Variants in CACNA2D1 observed in about 807,000 individuals in gnomAD.
CACNA2D1 encodes voltage-dependent calcium channel subunit alpha-2/delta-1.
CACNA2D1 carries 53 observed loss-of-function variants against 171.5 expected under a neutral mutation model. The ratio of observed to expected loss-of-function variants is 0.31; its 90% confidence interval spans 0.25 to 0.39. The LOEUF (loss-of-function observed/expected upper bound fraction) is 0.39, where lower values mean the gene tolerates loss of function less well. CACNA2D1 is among the 10% of genes least tolerant of loss of function. The pLI is 1.00. For synonymous variants in CACNA2D1, 442 were observed against 443.1 expected, an observed-to-expected ratio of 1.00 and a Z score of 0.03; for missense variants, 903 against 1,299.8, an observed-to-expected ratio of 0.69 and a Z score of 4.69.
At chr7:82,394,778 A>C (rs147992033) in intron 1 of CACNA2D1, among the ~76,000 whole-genome samples, 1 of 152,182 alleles carries the variant, frequency 6.6e-6, no homozygotes, top group Non-Finnish European at 1.5e-5. Context: ...GTGAAGGAGA[A>C]CAGAAGAAAC....
At chr7:82,425,182 C>A (rs1018679120) in intron 1 of CACNA2D1, among the ~76,000 whole-genome samples, 1 of 152,150 alleles carries the variant, frequency 6.6e-6, no homozygotes, top group Non-Finnish European at 1.5e-5. Context: ...CAGCTGAATG[C>A]CCTTCAAAGG....
chr7:82,066,086 AGTTCACTGC>A (rs1238262882), intron 8 of CACNA2D1, among the ~76,000 whole-genome samples: 2 of 152,140 alleles, frequency 1.3e-5, no homozygotes, highest in African/African-American at 4.8e-5. Context: ...AATTCTCATT[AGTTCACTGC>A]CAGAGGCAAA....
intron 3 of CACNA2D1, among the ~76,000 whole-genome samples, chr7:82,293,615 A>G (rs1186691803): frequency 2.0e-5 from 3 of 152,208 alleles, no homozygotes; most frequent in Non-Finnish European, 4.4e-5. Context: ...ACCTCAAAGA[A>G]GAGGCTTTAT....
chr7:82,426,873 A>G (rs1315767047), intron 1 of CACNA2D1, among the ~76,000 whole-genome samples: 3 of 152,172 alleles, frequency 2.0e-5, no homozygotes, highest in Non-Finnish European at 2.9e-5. Flanking sequence ...GCAGTCGACC[A>G]AAGTCCAAAA....
chr7:82,232,631 C>G (rs1208144615), intron 3 of CACNA2D1, among the ~76,000 whole-genome samples: 3 of 151,638 alleles, frequency 2.0e-5, no homozygotes, highest in Non-Finnish European at 4.4e-5. Context: ...TTTGGGAGGC[C>G]GAGGTGGGCA....
intron 1 of CACNA2D1, among the ~76,000 whole-genome samples, chr7:82,422,332 T>A (rs1828788273): frequency 6.6e-6 from 1 of 152,168 alleles, no homozygotes; most frequent in Admixed American, 6.6e-5. Flanking sequence ...ATGAATAACC[T>A]CCATGATGTT....
chr7:82,266,527 T>C (rs1024618819), intron 3 of CACNA2D1, among the ~76,000 whole-genome samples: 7 of 152,308 alleles, frequency 4.6e-5, no homozygotes, highest in Non-Finnish European at 1.0e-4. Flanking sequence ...TTCAACTCTT[T>C]TTTTTTGAGA....
At chr7:82,388,157 G>T (rs2129450242) in intron 1 of CACNA2D1, among the ~76,000 whole-genome samples, 1 of 152,066 alleles carries the variant, frequency 6.6e-6, no homozygotes, top group South Asian at 2.1e-4. Flanking sequence ...TGCTGGCAGG[G>T]TTGGCTTCTT....
chr7:81,951,969 G>GTTTTTTTTTTTTTTTT (rs774805421), intron 38 of CACNA2D1, among the ~76,000 whole-genome samples: 11 of 71,906 alleles, frequency 1.5e-4, no homozygotes, highest in African/African-American at 4.2e-4. Context: ...TGTACAAAGT[G>GTTTTTTTTTTTTTTTT]TTTTTTTTTT....
At chr7:82,204,862 G>A (rs1162258083) in intron 3 of CACNA2D1, among the ~76,000 whole-genome samples, 1 of 152,140 alleles carries the variant, frequency 6.6e-6, no homozygotes, top group African/African-American at 2.4e-5. Flanking sequence ...TCAAGAATAG[G>A]CCAAGGCAGA....
At chr7:82,402,821 A>G (rs528837073) in intron 1 of CACNA2D1, among the ~76,000 whole-genome samples, 1 of 152,066 alleles carries the variant, frequency 6.6e-6, no homozygotes, top group South Asian at 2.1e-4. Context: ...AAGAGGGGAC[A>G]TGATCAGAAG....
intron 3 of CACNA2D1, among the ~76,000 whole-genome samples, chr7:82,289,699 C>T (rs1486694326): frequency 1.3e-5 from 2 of 152,212 alleles, no homozygotes; most frequent in African/African-American, 4.8e-5. Flanking sequence ...GGCTCTGAAA[C>T]CTCACTCATC....
At chr7:82,319,761 A>C (rs1388650734) in intron 3 of CACNA2D1, among the ~76,000 whole-genome samples, 1 of 152,218 alleles carries the variant, frequency 6.6e-6, no homozygotes, top group Admixed American at 6.5e-5. Context: ...ACTGGTTCAC[A>C]ATAGACCAAC....
chr7:82,010,356 A>G (rs535608970), intron 15 of CACNA2D1, among the ~76,000 whole-genome samples: 207 of 152,110 alleles, frequency 1.4e-3, no homozygotes, highest in African/African-American at 4.8e-3. Flanking sequence ...TGTCCAATGA[A>G]TAGCAAATTC....
chr7:82,034,779 A>C (rs2131171331), intron 11 of CACNA2D1, among the ~76,000 whole-genome samples: 1 of 152,226 alleles, frequency 6.6e-6, no homozygotes, highest in East Asian at 1.9e-4. Flanking sequence ...TATTGGATGC[A>C]AATATCAATG....
rs544788342 is a variant in CACNA2D1, at chr7:82,102,125, C to A, written c.526+14919G>T. Among the ~76,000 whole-genome samples, 5 of 151,644 alleles carry A rather than the reference C, an allele frequency of 3.3e-5. No homozygotes were observed. The East Asian group carries it at 9.7e-4, about 29-fold the overall frequency. The stretch of plus-strand genomic sequence containing the variant: ...CCCTAACCTGCCATTGTTTTAAAAT[C>A]GGGACTAAAGAGAAAAAGGATAGAA... On this transcript the variant is annotated intron_variant, in intron 6 of 38. Coordinates refer to ENST00000356860, the MANE Select transcript of CACNA2D1 (RefSeq NM_000722.4).
intron 4 of CACNA2D1, among the ~76,000 whole-genome samples, chr7:82,166,133 G>A (rs1056027435): frequency 1.3e-5 from 2 of 151,788 alleles, no homozygotes; most frequent in East Asian, 3.9e-4. Flanking sequence ...ACATAATGCC[G>A]GTGCCTATTA....
chr7:82,357,738 C>T (rs1238831331), intron 1 of CACNA2D1, among the ~76,000 whole-genome samples: 1 of 149,958 alleles, frequency 6.7e-6, no homozygotes, highest in Non-Finnish European at 1.5e-5. Context: ...GGAGGGATAG[C>T]ATTAGGAGAT....
intron 6 of CACNA2D1, among the ~76,000 whole-genome samples, chr7:82,092,540 CTTTTTTT>C (rs71093360): frequency 1.4e-3 from 140 of 102,692 alleles, no homozygotes; most frequent in South Asian, 3.4e-3. Flanking sequence ...GCCCAGCTAA[CTTTTTTT>C]TTTTTTTTTT....
Sources: allele counts gnomAD v4.1 joint callset (sites outside exome capture counted in the v4.1 genomes callset), GRCh38; gene constraint gnomAD v4.1.1; transcripts MANE v1.5; gene names NCBI Gene and HGNC (gene_info 2026-07-23, HGNC 2026-07-21).